The following ANKH variants were observed in gnomAD, a reference collection of about 807,000 sequenced individuals.
ANKH encodes the protein ANKH inorganic pyrophosphate transport regulator.
ANKH carries 15 observed loss-of-function variants against 49.0 expected under a neutral mutation model. The observed-to-expected ratio is 0.31, with a 90% CI of 0.20 to 0.47. ANKH has a LOEUF of 0.47. Ranked by LOEUF, ANKH falls within the 20% of genes least tolerant of loss-of-function variation. ANKH has a pLI of 1.00. For missense variants in ANKH, 429 were observed against 652.0 expected (o/e 0.66, Z 3.72); for synonymous variants, 273 against 260.0 (o/e 1.05, Z -0.48).
intron 1 of ANKH, among the ~76,000 whole-genome samples, chr5:14,805,500 ACACACACG>A (rs1332185542): frequency 1.1e-4 from 16 of 147,868 alleles, no homozygotes; most frequent in African/African-American, 3.0e-4. Flanking sequence ...ACACACACAC[ACACACACG>A]TATATATACA....
intron 1 of ANKH, among the ~76,000 whole-genome samples, chr5:14,773,872 G>A (rs1471141858): frequency 2.0e-5 from 3 of 152,276 alleles, no homozygotes; most frequent in African/African-American, 7.2e-5. Context: ...ACGAACTTAA[G>A]TGTCCATACT....
In ANKH at chr5:14,798,618, G is replaced by A. The variant is rs116121736; in HGVS notation, c.97-29427C>T. On this transcript the variant is annotated intron_variant, in intron 1 of 11. Coordinates refer to ENST00000284268, the MANE Select transcript of ANKH (RefSeq NM_054027.6). Reference sequence around the variant, plus strand: ...TTTGTGTCACATTTTGGTAACTCTCGCAATATTTCAAACTTTTTCATTATT... The same window carrying A: ...TTTGTGTCACATTTTGGTAACTCTCACAATATTTCAAACTTTTTCATTATT... Among the ~76,000 whole-genome samples, 1,286 of 152,022 alleles carry A rather than the reference G, an allele frequency of 8.5e-3. 7 individuals are homozygous for A. Among genetic ancestry groups the A allele is most frequent in the Non-Finnish European group, 0.014 (979 of 67,974 alleles).
At chr5:14,825,249 T>C (rs1741307120) in intron 1 of ANKH, among the ~76,000 whole-genome samples, 1 of 152,266 alleles carries the variant, frequency 6.6e-6, no homozygotes, top group South Asian at 2.1e-4. Flanking sequence ...ACAGAAATTC[T>C]AACTACTCAG....
intron 1 of ANKH, among the ~76,000 whole-genome samples, chr5:14,844,160 G>GTGT (rs776374460): frequency 3.3e-5 from 5 of 152,148 alleles, no homozygotes; most frequent in Non-Finnish European, 7.3e-5. Flanking sequence ...CCCAAGTGTG[G>GTGT]TGTAACATAA....
chr5:14,812,281 C>T (rs898943825), intron 1 of ANKH, among the ~76,000 whole-genome samples: 4 of 151,786 alleles, frequency 2.6e-5, no homozygotes, highest in African/African-American at 9.7e-5. Flanking sequence ...ATTGAGTAGT[C>T]AAGTTTGGAG....
intron 8 of ANKH, among the ~76,000 whole-genome samples, chr5:14,731,352 G>A (rs75510608): frequency 0.04 from 6,057 of 152,264 alleles, 168 homozygotes; most frequent in South Asian, 0.066. Context: ...GAACAAGGTC[G>A]GGAGGTGAAA....
chr5:14,750,953 C>T, intron 5 of ANKH, 116 bp downstream of exon 5: 2 of 1,332,262 alleles, frequency 1.5e-6, no homozygotes, highest in Non-Finnish European at 2.1e-6. Flanking sequence ...CTGGGTATGA[C>T]ATCCTGGCCA....
intron 1 of ANKH, chr5:14,826,138 A>G (rs1168919678): frequency 6.5e-6 from 1 of 153,400 alleles, no homozygotes; most frequent in Non-Finnish European, 1.5e-5. Flanking sequence ...CTCTAAGCAA[A>G]TAAGTTAAAG....
chr5:14,844,929 T>C (rs763879854), intron 1 of ANKH, among the ~76,000 whole-genome samples: 1 of 152,194 alleles, frequency 6.6e-6, no homozygotes, highest in Non-Finnish European at 1.5e-5. Flanking sequence ...GTATCAACTT[T>C]CTACTTAAAA....
chr5:14,733,975 G>A (rs561766892), intron 8 of ANKH, among the ~76,000 whole-genome samples: 1 of 152,204 alleles, frequency 6.6e-6, no homozygotes, highest in Non-Finnish European at 1.5e-5. Flanking sequence ...AAAACCTGTA[G>A]GGAATCATAA....
chr5:14,813,744 C>T (rs1185525105), intron 1 of ANKH, among the ~76,000 whole-genome samples: 1 of 152,354 alleles, frequency 6.6e-6, no homozygotes, highest in East Asian at 1.9e-4. Context: ...CTCTCCGTTG[C>T]TTCTTGCCAT....
chr5:14,865,098 T>C (rs1019463577), intron 1 of ANKH, among the ~76,000 whole-genome samples: 38 of 152,014 alleles, frequency 2.5e-4, no homozygotes, highest in African/African-American at 8.7e-4. Flanking sequence ...CTGTCACTAC[T>C]AAAAATATAA....
intron 1 of ANKH, among the ~76,000 whole-genome samples, chr5:14,845,809 A>G (rs1276017468): frequency 1.3e-5 from 2 of 148,156 alleles, no homozygotes; most frequent in Non-Finnish European, 1.5e-5. Flanking sequence ...CTACGTCAGT[A>G]CTGCAAACTG....
intron 8 of ANKH, among the ~76,000 whole-genome samples, chr5:14,728,609 C>G (rs1737895150): frequency 6.6e-6 from 1 of 152,170 alleles, no homozygotes; most frequent in South Asian, 2.1e-4. Context: ...AGCATGGTGC[C>G]ACCGCTGGAA....
chr5:14,811,891 T>C (rs1053695054), intron 1 of ANKH, among the ~76,000 whole-genome samples: 1 of 152,186 alleles, frequency 6.6e-6, no homozygotes, highest in Non-Finnish European at 1.5e-5. Context: ...TCTTCTACTC[T>C]TAAGCCTTCA....
intron 1 of ANKH, among the ~76,000 whole-genome samples, chr5:14,811,204 A>T (rs1001210692): frequency 6.7e-6 from 1 of 148,464 alleles, no homozygotes; most frequent in African/African-American, 2.6e-5. Flanking sequence ...TCTGCCAGTG[A>T]AACAAGCTCA....
rs149290573 is a variant in ANKH at position 14,770,303 on chromosome 5, C to T, written c.97-1112G>A. 8.2e-3 allele frequency among the ~76,000 whole-genome samples: 1,255 copies of T among 152,214 alleles called. 10 individuals carry two copies. Among genetic ancestry groups the T allele is most frequent in the African/African-American group, 0.018 (762 of 41,516 alleles). Reference sequence around the variant, plus strand: ...ATGCCTTACAATCAATGAATCTACACGGACACATCATTATTACTCAAAGAC... The same window carrying T: ...ATGCCTTACAATCAATGAATCTACATGGACACATCATTATTACTCAAAGAC... On this transcript the variant is annotated intron_variant, in intron 1 of 11. Coordinates refer to ENST00000284268, the MANE Select transcript of ANKH (RefSeq NM_054027.6). The surrounding 1 kb of genome is among the most constrained non-coding windows in gnomAD (Gnocchi z 4.1).
chr5:14,777,241 G>A (rs1166418365), intron 1 of ANKH, among the ~76,000 whole-genome samples: 10 of 152,162 alleles, frequency 6.6e-5, no homozygotes, highest in Admixed American at 6.5e-4. Context: ...AGCCGAGATT[G>A]CGCCATTGCA....
intron 6 of ANKH, 63 bp from the exon 7 acceptor site, chr5:14,746,025 G>C: frequency 7.2e-7 from 1 of 1,390,500 alleles, no homozygotes; most frequent in Non-Finnish European, 1.0e-6. Context: ...AGGAGCTACA[G>C]TAGGTGACGA....
Sources: allele counts gnomAD v4.1 joint callset (sites outside exome capture counted in the v4.1 genomes callset), GRCh38; gene constraint gnomAD v4.1.1; non-coding constraint Gnocchi (gnomAD v3.1); transcripts MANE v1.5; gene names NCBI Gene and HGNC (gene_info 2026-07-23, HGNC 2026-07-21).